The following PIP5K1B variants were observed in gnomAD, a reference collection of about 807,000 sequenced individuals.
PIP5K1B encodes phosphatidylinositol-4-phosphate 5-kinase type 1 beta.
Under a neutral mutation model 67.0 loss-of-function variants are expected in PIP5K1B, and 42 were observed. That is an observed-to-expected ratio of 0.63 (90% CI 0.49 to 0.81). The LOEUF (loss-of-function observed/expected upper bound fraction) is 0.81. Among genes scored for constraint, PIP5K1B ranks in the 30% least tolerant of loss-of-function variants. The probability of loss-of-function intolerance (pLI) is 0.00; values close to 1 mark genes in which losing one functional copy is unlikely to be tolerated. For synonymous variants in PIP5K1B, 214 were observed against 231.4 expected (o/e 0.92, Z 0.68); for missense variants, 459 against 646.3 (o/e 0.71, Z 3.14).
intron 4 of PIP5K1B, among the ~76,000 whole-genome samples, chr9:68,826,940 T>TG (rs5898042): frequency 0.79 from 119,605 of 151,864 alleles, 47,150 homozygotes; most frequent in Admixed American, 0.85. Context: ...TTAGTTGAGA[T>TG]GGGGTTTCAC....
At chr9:68,971,143 G>A (rs970061046) in intron 14 of PIP5K1B, among the ~76,000 whole-genome samples, 2 of 151,876 alleles carry the variant, frequency 1.3e-5, no homozygotes, top group African/African-American at 4.8e-5. Context: ...TAATGATAGA[G>A]TGCCCCCCAC....
intron 12 of PIP5K1B, among the ~76,000 whole-genome samples, chr9:68,932,665 A>G (rs1564245818): frequency 6.6e-6 from 1 of 152,218 alleles, no homozygotes. Context: ...AGAAAACTCT[A>G]CACATATGAG....
intron 8 of PIP5K1B, among the ~76,000 whole-genome samples, chr9:68,904,044 A>T (rs1043772886): frequency 6.6e-6 from 1 of 151,372 alleles, no homozygotes; most frequent in Non-Finnish European, 1.5e-5. Flanking sequence ...CACAACAGCC[A>T]TGTGAAGTGA....
chr9:68,781,184 A>C, intron 2 of PIP5K1B: 1 of 994,902 alleles, frequency 1.0e-6, no homozygotes, highest in South Asian at 1.7e-5. Flanking sequence ...GAGAACTTCT[A>C]TGTCAGGTTC....
intron 3 of PIP5K1B, among the ~76,000 whole-genome samples, chr9:68,820,772 A>C (rs2057600154): frequency 6.6e-6 from 1 of 152,230 alleles, no homozygotes; most frequent in Non-Finnish European, 1.5e-5. Context: ...TTTACCACAG[A>C]AGTAGCATAA....
At chr9:68,754,185 T>TTTTTTTTTTTTTTTTA (rs1364071247) in intron 2 of PIP5K1B, among the ~76,000 whole-genome samples, 1 of 138,952 alleles carries the variant, frequency 7.2e-6, no homozygotes, top group African/African-American at 2.7e-5. Flanking sequence ...CTTTTTTTTT[T>TTTTTTTTTTTTTTTTA]TTGAGACAGA....
chr9:68,714,327 G>A (rs1385247788), intron 1 of PIP5K1B, among the ~76,000 whole-genome samples: 2 of 152,090 alleles, frequency 1.3e-5, no homozygotes, highest in African/African-American at 4.8e-5. Context: ...GCCATCCTTG[G>A]CTCCACCCTC....
At chr9:68,804,404 C>T (rs1418744755) in intron 2 of PIP5K1B, among the ~76,000 whole-genome samples, 3 of 152,062 alleles carry the variant, frequency 2.0e-5, no homozygotes, top group Admixed American at 6.5e-5. Context: ...AAAGGGCCCA[C>T]CATTCCTCGG....
At chr9:68,874,527 C>T (rs920489307) in intron 5 of PIP5K1B, among the ~76,000 whole-genome samples, 1 of 151,652 alleles carries the variant, frequency 6.6e-6, no homozygotes, top group African/African-American at 2.4e-5. Flanking sequence ...AGATGTGAAC[C>T]CAAGGAAAAT....
intron 11 of PIP5K1B, among the ~76,000 whole-genome samples, chr9:68,922,440 G>A (rs1258351545): frequency 1.5e-5 from 2 of 130,412 alleles, no homozygotes; most frequent in South Asian, 2.4e-4. Context: ...CCAGCCTGGC[G>A]ACAGAGCAAG....
chr9:68,754,003 G>A (rs919256633), intron 2 of PIP5K1B, among the ~76,000 whole-genome samples: 1 of 151,906 alleles, frequency 6.6e-6, no homozygotes, highest in Non-Finnish European at 1.5e-5. Flanking sequence ...AAGAACATTA[G>A]AGTAATTTTG....
chr9:68,985,146 A>G (rs578057945), intron 14 of PIP5K1B, among the ~76,000 whole-genome samples: 27 of 152,344 alleles, frequency 1.8e-4, no homozygotes, highest in Admixed American at 4.6e-4. Context: ...CTACTCAGAA[A>G]TGTAGGCTTA....
At chr9:68,992,404 A>G (rs1587774136) in intron 15 of PIP5K1B, among the ~76,000 whole-genome samples, 1 of 152,294 alleles carries the variant, frequency 6.6e-6, no homozygotes, top group East Asian at 1.9e-4. Flanking sequence ...CGAGTGATGC[A>G]TGTCTCACAG....
At chr9:68,890,294 C>G (rs1824717570) in intron 7 of PIP5K1B, among the ~76,000 whole-genome samples, 2 of 152,164 alleles carry the variant, frequency 1.3e-5, no homozygotes, top group South Asian at 4.1e-4. Context: ...CCAAAATTTT[C>G]AAAACTATCC....
intron 2 of PIP5K1B, among the ~76,000 whole-genome samples, chr9:68,758,491 C>G (rs1042038214): frequency 6.6e-6 from 1 of 152,066 alleles, no homozygotes; most frequent in Non-Finnish European, 1.5e-5. Context: ...TAAGTAGGCT[C>G]AATAACTGAA....
chr9:68,934,461 G>A (rs1827152997), intron 12 of PIP5K1B, among the ~76,000 whole-genome samples: 1 of 152,176 alleles, frequency 6.6e-6, no homozygotes, highest in Admixed American at 6.5e-5. Context: ...CCAGTCCCAA[G>A]TTAATAAAAC....
At chr9:68,948,876 T>A (rs750425312) in intron 14 of PIP5K1B, among the ~76,000 whole-genome samples, 1 of 152,216 alleles carries the variant, frequency 6.6e-6, no homozygotes, top group Non-Finnish European at 1.5e-5. Context: ...GGCAGGAAAT[T>A]GAAGTGAATT....
chr9:68,903,002 G>A (rs1007161831), intron 8 of PIP5K1B, among the ~76,000 whole-genome samples: 1 of 152,176 alleles, frequency 6.6e-6, no homozygotes, highest in African/African-American at 2.4e-5. Context: ...CCTAAGAAAA[G>A]GCCTGCGATA....
At chr9:68,934,627 C>A (rs570872231) in intron 12 of PIP5K1B, among the ~76,000 whole-genome samples, 2 of 152,114 alleles carry the variant, frequency 1.3e-5, no homozygotes, top group African/African-American at 4.8e-5. Flanking sequence ...ATTGCAAAAT[C>A]TGGAGAGAAA....
Sources: gnomAD v4.1 joint callset for allele counts (sites outside exome capture counted in the v4.1 genomes callset) on GRCh38, gnomAD v4.1.1 for gene constraint, MANE v1.5 for transcripts, NCBI Gene and HGNC (gene_info 2026-07-23, HGNC 2026-07-21) for gene names.